Variants in LARGE1 observed in about 807,000 individuals in gnomAD.
The protein encoded by LARGE1 is xylosyl- and glucuronyltransferase LARGE1.
A neutral mutation model predicts 87.6 loss-of-function variants in LARGE1; 43 were observed. The observed-to-expected ratio is 0.49, with a 90% CI of 0.38 to 0.63. The LOEUF is 0.63. Among genes scored for constraint, LARGE1 ranks in the 30% least tolerant of loss-of-function variants. The probability of loss-of-function intolerance (pLI) is 0.00; values close to 1 mark genes in which losing one functional copy is unlikely to be tolerated. For synonymous variants in LARGE1, 434 were observed against 394.6 expected (o/e 1.10, Z -1.18); for missense variants, 802 against 1,000.2 (o/e 0.80, Z 2.67).
At chr22:33,694,969 C>T (rs1240752525) in intron 2 of LARGE1, among the ~76,000 whole-genome samples, 1 of 152,114 alleles carries the variant, frequency 6.6e-6, no homozygotes. Context: ...ATACTATATC[C>T]AGGCTGCATC....
chr22:33,406,790 CATTT>C (rs775417998), intron 7 of LARGE1, among the ~76,000 whole-genome samples: 21 of 152,078 alleles, frequency 1.4e-4, no homozygotes, highest in Non-Finnish European at 2.9e-4. Flanking sequence ...TGTGAAAATG[CATTT>C]ATTTATTTAT....
At chr22:33,400,970 G>A (rs537894497) in intron 7 of LARGE1, among the ~76,000 whole-genome samples, 1 of 152,214 alleles carries the variant, frequency 6.6e-6, no homozygotes, top group East Asian at 1.9e-4. Context: ...CCTTCTCTGT[G>A]CCCTGGGATC....
intron 3 of LARGE1, among the ~76,000 whole-genome samples, chr22:33,632,322 C>T (rs1215735965): frequency 1.3e-5 from 2 of 152,154 alleles, no homozygotes; most frequent in African/African-American, 2.4e-5. Flanking sequence ...TGGGGTTTGG[C>T]CACGTTGCCC....
At chr22:33,543,971 C>A (rs537316211) in intron 6 of LARGE1, among the ~76,000 whole-genome samples, 2 of 152,356 alleles carry the variant, frequency 1.3e-5, no homozygotes, top group South Asian at 4.1e-4. Flanking sequence ...CACCTGCTTT[C>A]CTTCTGGGAG....
intron 1 of LARGE1, chr22:33,873,457 T>C (rs1375780330): frequency 1.3e-5 from 2 of 152,256 alleles, no homozygotes; most frequent in African/African-American, 4.8e-5. Context: ...GAAGGCCGTG[T>C]CGCTCCTGGG....
chr22:33,410,781 G>C (rs1404159396), intron 7 of LARGE1, among the ~76,000 whole-genome samples: 1 of 152,132 alleles, frequency 6.6e-6, no homozygotes, highest in Admixed American at 6.5e-5. Context: ...ACTGGGCTCT[G>C]ACATTTACTG....
At chr22:33,497,297 A>G (rs2070185770) in intron 6 of LARGE1, among the ~76,000 whole-genome samples, 1 of 152,072 alleles carries the variant, frequency 6.6e-6, no homozygotes, top group African/African-American at 2.4e-5. Flanking sequence ...GCTGGTCTCA[A>G]ACTCCTCACC....
chr22:33,338,467 T>A (rs4322933), intron 9 of LARGE1, among the ~76,000 whole-genome samples: 19,914 of 151,958 alleles, frequency 0.13, 2,699 homozygotes, highest in African/African-American at 0.35. Context: ...CATTCCTACC[T>A]CCTCCTCCTA....
At chr22:33,126,457 G>A in the LARGE1 span, among the ~76,000 whole-genome samples, 2 of 152,054 alleles carry the variant, frequency 1.3e-5, no homozygotes, top group South Asian at 2.1e-4. Context: ...CAAAAATTTT[G>A]TATCGTGCAT....
chr22:33,445,742 C>T (rs906953832), intron 6 of LARGE1, among the ~76,000 whole-genome samples: 5 of 151,658 alleles, frequency 3.3e-5, no homozygotes, highest in East Asian at 1.9e-4. Flanking sequence ...CTCCACCTCC[C>T]GGATTCAAGC....
chr22:33,841,551 T>A (rs1352308386), intron 1 of LARGE1, among the ~76,000 whole-genome samples: 8 of 152,142 alleles, frequency 5.3e-5, no homozygotes, highest in Non-Finnish European at 1.2e-4. Flanking sequence ...TCAAGGCCAG[T>A]GGGAAAGAAC....
chr22:33,625,576 A>G (rs1304393043), intron 4 of LARGE1, among the ~76,000 whole-genome samples: 1 of 152,188 alleles, frequency 6.6e-6, no homozygotes, highest in Non-Finnish European at 1.5e-5. Flanking sequence ...CAACCTGTCT[A>G]TAAGAAAACA....
At chr22:33,565,109 G>T (rs992446550) in intron 5 of LARGE1, 90 bp from the exon 6 acceptor site, 1 of 1,165,746 alleles carries the variant, frequency 8.6e-7, no homozygotes, top group African/African-American at 1.5e-5. Context: ...ATAGTGCCTA[G>T]CACACAAAAA....
intron 3 of LARGE1, among the ~76,000 whole-genome samples, chr22:33,630,060 G>T (rs1286934957): frequency 1.3e-5 from 2 of 152,172 alleles, no homozygotes; most frequent in Non-Finnish European, 2.9e-5. Context: ...TTAGCCAGGT[G>T]TGGTGGCGTG....
intron 6 of LARGE1, among the ~76,000 whole-genome samples, chr22:33,558,671 A>C (rs796170508): frequency 1.1e-4 from 17 of 152,346 alleles, no homozygotes; most frequent in African/African-American, 4.1e-4. Flanking sequence ...GCAGGGCGGC[A>C]AGGTAACAAA....
chr22:33,645,028 G>A (rs2080563849), intron 3 of LARGE1, among the ~76,000 whole-genome samples: 1 of 152,088 alleles, frequency 6.6e-6, no homozygotes, highest in Admixed American at 6.6e-5. Flanking sequence ...AGCTACCATT[G>A]ACTTTCTTCA....
intron 5 of LARGE1, among the ~76,000 whole-genome samples, chr22:33,596,447 T>C (rs2078978071): frequency 6.6e-6 from 1 of 152,208 alleles, no homozygotes; most frequent in African/African-American, 2.4e-5. Context: ...CCAGCCTTCG[T>C]ATTCAGAAAC....
In LARGE1 at chr22:33,909,410, G is replaced by A. The variant is rs149617063; in HGVS notation, c.-83+10585C>T. Reference sequence around the variant, plus strand: ...CCCCGCTTCAATTTGTCCCAGGCACGATGCAGGTGCACCTTCCAAAACCAG... The same window carrying A: ...CCCCGCTTCAATTTGTCCCAGGCACAATGCAGGTGCACCTTCCAAAACCAG... On this transcript the variant is annotated intron_variant, in intron 1 of 14. Coordinates refer to ENST00000397394, the MANE Select transcript of LARGE1 (RefSeq NM_133642.5). Among the ~76,000 whole-genome samples the A allele has an allele frequency of 5.4e-3, 823 of 151,798 alleles. 12 individuals carry two copies. Among genetic ancestry groups the A allele is most frequent in the African/African-American group, 0.019 (795 of 41,388 alleles).
intron 4 of LARGE1, among the ~76,000 whole-genome samples, chr22:33,606,916 C>G (rs376158392): frequency 3.3e-5 from 5 of 152,262 alleles, no homozygotes; most frequent in African/African-American, 1.2e-4. Flanking sequence ...CCCAGCCATA[C>G]GTACCGGCCT....
Sources: allele counts gnomAD v4.1 joint callset (sites outside exome capture counted in the v4.1 genomes callset), GRCh38; gene constraint gnomAD v4.1.1; transcripts MANE v1.5; gene names NCBI Gene and HGNC (gene_info 2026-07-23, HGNC 2026-07-21).